SERPINF2: variants seen among roughly 807,000 people sequenced by gnomAD.
SERPINF2 encodes the protein alpha-2-antiplasmin.
Under a neutral mutation model 45.0 loss-of-function variants are expected in SERPINF2, and 15 were observed. The observed-to-expected ratio is 0.33, with a 90% CI of 0.22 to 0.51. The LOEUF is 0.51. SERPINF2 is among the 20% of genes least tolerant of loss of function. The pLI, the probability that SERPINF2 is intolerant of heterozygous loss-of-function variation, is 0.97. For synonymous variants in SERPINF2, 283 were observed against 277.9 expected (o/e 1.02, Z -0.18); for missense variants, 518 against 637.4 (o/e 0.81, Z 2.02).
Position 1,747,433 on chromosome 17 carries a change from G to A in SERPINF2, c.636G>A (p.Thr212=), listed in dbSNP as rs747440872. ...TCAACCAATGGGTGAAGGAGGCCACGGAGGGGAAGATTCAGGAATTCCTCT... is the reference window on the plus strand; with the variant it reads ...TCAACCAATGGGTGAAGGAGGCCACAGAGGGGAAGATTCAGGAATTCCTCT... ...ANINQWVKEA[T]EGKIQEFLSG... Residue 212 remains threonine (T), a synonymous_variant, in exon 7 of 10, where the codon ACG becomes ACA. Coordinates refer to ENST00000453066, the MANE Select transcript of SERPINF2 (RefSeq NM_000934.4). 9.9e-6 allele frequency: 16 copies of A among 1,614,180 alleles called. No homozygotes were observed. The highest frequency in any genetic ancestry group is 3.3e-5 in the South Asian group (3 of 91,082).
chr17:1,750,923 T>A (rs552241315), intron 8 of SERPINF2, among the ~76,000 whole-genome samples: 1 of 152,170 alleles, frequency 6.6e-6, no homozygotes, highest in Admixed American at 6.6e-5. Flanking sequence ...CTCCAGGCTG[T>A]GTCCTGCGTA....
chr17:1,748,386 C>G (rs1264830077), intron 7 of SERPINF2, among the ~76,000 whole-genome samples: 1 of 152,028 alleles, frequency 6.6e-6, no homozygotes, highest in Non-Finnish European at 1.5e-5. Flanking sequence ...TTCAAAAATG[C>G]TACGGGAAAG....
chr17:1,747,097 G>T lies in SERPINF2; in HGVS notation c.446G>T (p.Ser149Ile). 6.2e-7 allele frequency: 1 copy of T among 1,610,778 alleles called. No homozygotes were observed. The highest frequency in any genetic ancestry group is 1.1e-5 in the South Asian group (1 of 91,040). The stretch of plus-strand genomic sequence containing the variant: ...GGGCCCTGCCTCCCCCATCTGCTGA[G>T]CCGCCTCTGCCAGGACCTGGGCCCC... ...GSGPCLPHLLSRLCQDLGPGA... is the reference protein window; with the variant it reads ...GSGPCLPHLLIRLCQDLGPGA... Residue 149 changes from serine to isoleucine, a missense_variant, in exon 6 of 10, where the codon AGC (serine) becomes ATC (isoleucine). Around this residue, in one of 2 missense-constraint regions of SERPINF2, gnomAD observed 435 missense variants for 577.3 expected, o/e 0.75. Coordinates refer to ENST00000453066, the MANE Select transcript of SERPINF2 (RefSeq NM_000934.4).
chr17:1,746,968 G>A (rs772404386), intron 5 of SERPINF2, 51 bp from the exon 6 acceptor site: 40 of 1,590,982 alleles, frequency 2.5e-5, no homozygotes, highest in East Asian at 9.0e-5. Context: ...GTGGGCAGTG[G>A]GGGTGAGAAA....
intron 1 of SERPINF2, among the ~76,000 whole-genome samples, chr17:1,743,521 G>T (rs1905487111): frequency 6.6e-6 from 1 of 151,614 alleles, no homozygotes; most frequent in South Asian, 2.1e-4. Context: ...TTCGAGACCA[G>T]CCTGACCAAC....
intron 8 of SERPINF2, among the ~76,000 whole-genome samples, chr17:1,750,510 A>C (rs1245982568): frequency 6.6e-6 from 1 of 151,018 alleles, no homozygotes; most frequent in Non-Finnish European, 1.5e-5. Flanking sequence ...CTGATCTCAA[A>C]CTCCTGACCT....
intron 7 of SERPINF2, 105 bp from the exon 8 acceptor site, chr17:1,748,493 G>A (rs1906072218): frequency 1.4e-5 from 21 of 1,471,724 alleles, no homozygotes; most frequent in African/African-American, 2.8e-5. Context: ...GACAGGCAAC[G>A]GGCTGGGGGT....
At chr17:1,744,148 G>A (rs1316143948) in intron 1 of SERPINF2, among the ~76,000 whole-genome samples, 2 of 151,054 alleles carry the variant, frequency 1.3e-5, no homozygotes, top group African/African-American at 4.9e-5. Flanking sequence ...ACCTGCCCCT[G>A]GCCTCCCAAA....
chr17:1,755,130 TCCTTCCTCTCCTGTCTC>T lies in SERPINF2; in HGVS notation c.*600_*616del, dbSNP rs1906743261. 6.5e-6 allele frequency: 1 copy of T among 153,662 alleles called. No individual in the cohort carries two copies. The highest frequency in any genetic ancestry group is 1.4e-5 in the Non-Finnish European group (1 of 69,142). The allele number at this position is 153,662 out of a possible 1,614,324, so 9.5% of individuals were successfully genotyped here. ...ATCCCAACACTGCCAGCATTTCCCT[TCCTTCCTCTCCTGTCTC>T]CCTCCTCTGCCCGGGAGCTCAGGAA... is the stretch of plus-strand genomic sequence containing the variant. On this transcript the variant is annotated 3_prime_UTR_variant, in exon 10 of 10. Transcript: ENST00000453066. The surrounding 1 kb of genome is among the most constrained non-coding windows in gnomAD (Gnocchi z 4.2).
chr17:1,747,971 C>G (rs972848935), intron 7 of SERPINF2, among the ~76,000 whole-genome samples: 1 of 151,438 alleles, frequency 6.6e-6, no homozygotes, highest in African/African-American at 2.4e-5. Context: ...ATGAGTTGTT[C>G]TAGAGTGAAT....
intron 6 of SERPINF2, 32 bp from the exon 7 acceptor site, chr17:1,747,276 GC>G: frequency 6.2e-7 from 1 of 1,612,510 alleles, no homozygotes; most frequent in Non-Finnish European, 8.5e-7. Flanking sequence ...GGAGCCTGGA[GC>G]CCTGGGAACA....
At chr17:1,746,208 C>T (rs72631502) in intron 5 of SERPINF2, among the ~76,000 whole-genome samples, 35,063 of 151,670 alleles carry the variant, frequency 0.23, 5,070 homozygotes, top group East Asian at 0.5. Context: ...ATTCCAGCTA[C>T]TCAGGAGGCT....
intron 7 of SERPINF2, among the ~76,000 whole-genome samples, chr17:1,748,331 G>A (rs926210000): frequency 1.3e-5 from 2 of 151,772 alleles, no homozygotes; most frequent in Non-Finnish European, 2.9e-5. Flanking sequence ...CCAGGAGGAG[G>A]TTCCTAGGAG....
chr17:1,748,010 C>G (rs12946666), intron 7 of SERPINF2, among the ~76,000 whole-genome samples: 34,125 of 151,032 alleles, frequency 0.23, 3,864 homozygotes, highest in South Asian at 0.39. Context: ...CTGAAAAGAT[C>G]CAGGAGGGGC....
At position 1,745,180 on chromosome 17, in the gene SERPINF2, C is replaced by T. The variant is rs1056029442; in HGVS notation, c.69C>T (p.Ser23=). ...CCTCATCCCTTTCTCCACAGTTCTC[C>T]CCTGTGAGCGCCATGGAGCCCTTGG... ...SCLQGPCSVF[S]PVSAMEPLGR... Residue 23 remains serine (S), a synonymous_variant, in exon 3 of 10, where the codon TCC becomes TCT. Coordinates refer to ENST00000453066, the MANE Select transcript of SERPINF2 (RefSeq NM_000934.4). This position sits in a 1 kb window ranked among gnomAD's most constrained non-coding sequence, Gnocchi z 6.2. 3 of 1,570,278 alleles carry T rather than the reference C, an allele frequency of 1.9e-6. No homozygotes were observed. The highest frequency in any genetic ancestry group is 3.8e-5 in the Admixed American group (2 of 52,594).
At position 1,742,888 on chromosome 17, in the gene SERPINF2, G is replaced by A; in HGVS notation, c.-25G>A. 2.0e-6 allele frequency: 2 copies of A among 985,414 alleles called. No individual in the cohort carries two copies. Among genetic ancestry groups the A allele is most frequent in the Non-Finnish European group, 2.4e-6 (2 of 830,042 alleles). 61.0% of individuals were successfully genotyped at this position (985,414 alleles called of 1,614,324 possible). The stretch of plus-strand genomic sequence containing the variant: ...GTGGGGCCAGAGGAACGTTGTGTGT[G>A]GCAGCAAGGAGCCCGCAGAGGTATG... On this transcript the variant is annotated 5_prime_UTR_variant, in exon 1 of 10. Coordinates refer to ENST00000453066, the MANE Select transcript of SERPINF2 (RefSeq NM_000934.4).
In SERPINF2 at chr17:1,754,826, A is replaced by G; in HGVS notation, c.*292A>G. On this transcript the variant is annotated 3_prime_UTR_variant, in exon 10 of 10. Coordinates refer to ENST00000453066, the MANE Select transcript of SERPINF2 (RefSeq NM_000934.4). Reference sequence around the variant, plus strand: ...GGTGCTTCTAGTTCTGCCAGGAGACAGGTTAGCTGCTCCCCACGTCAGCTG... The same window carrying G: ...GGTGCTTCTAGTTCTGCCAGGAGACGGGTTAGCTGCTCCCCACGTCAGCTG... 2.0e-6 allele frequency: 1 copy of G among 489,116 alleles called. No individual in the cohort carries two copies. Among genetic ancestry groups the G allele is most frequent in the Non-Finnish European group, 3.6e-6 (1 of 279,150 alleles). 30.3% of individuals were successfully genotyped at this position (489,116 alleles called of 1,614,324 possible).
At chr17:1,747,878 C>T (rs1051915028) in intron 7 of SERPINF2, among the ~76,000 whole-genome samples, 4 of 149,558 alleles carry the variant, frequency 2.7e-5, no homozygotes. Flanking sequence ...AGGCTTTGTT[C>T]TGAGGGTCTC....
At chr17:1,750,838 G>A (rs1242082477) in intron 8 of SERPINF2, among the ~76,000 whole-genome samples, 1 of 152,242 alleles carries the variant, frequency 6.6e-6, no homozygotes, top group Middle Eastern at 3.4e-3. Flanking sequence ...AACGCGTCCT[G>A]GCTTCCCTGC....
Sources: gnomAD v4.1 joint callset for allele counts (sites outside exome capture counted in the v4.1 genomes callset) on GRCh38, gnomAD v4.1.1 for gene constraint, gnomAD v4.1.1 regional missense constraint, Gnocchi (gnomAD v3.1) non-coding constraint, MANE v1.5 for transcripts, NCBI Gene and HGNC (gene_info 2026-07-23, HGNC 2026-07-21) for gene names.